The following PTPRD variants were observed in gnomAD, a reference collection of about 807,000 sequenced individuals.
The protein encoded by PTPRD is receptor-type tyrosine-protein phosphatase delta.
A neutral mutation model predicts 214.5 loss-of-function variants in PTPRD; 34 were observed. That is an observed-to-expected ratio of 0.16 (90% CI 0.12 to 0.21). The LOEUF is 0.21. Among genes scored for constraint, PTPRD ranks in the 10% least tolerant of loss-of-function variants. PTPRD has a pLI of 1.00. For synonymous variants in PTPRD, 1,128 were observed against 845.7 expected (o/e 1.33, Z -5.79); for missense variants, 2,545 against 2,398.7 (o/e 1.06, Z -1.27).
intron 44 of PTPRD, among the ~76,000 whole-genome samples, chr9:8,322,208 C>A (rs1483378850): frequency 6.6e-6 from 1 of 151,908 alleles, no homozygotes; most frequent in Admixed American, 6.6e-5. Flanking sequence ...GAAATTAGGC[C>A]AGTTAATAAC....
At chr9:8,982,734 A>G (rs2099319657) in intron 11 of PTPRD, among the ~76,000 whole-genome samples, 1 of 151,998 alleles carries the variant, frequency 6.6e-6, no homozygotes, top group South Asian at 2.1e-4. Flanking sequence ...TAGATTATCA[A>G]TTCATATTTA....
At chr9:9,536,286 A>G (rs1264399274) in intron 8 of PTPRD, among the ~76,000 whole-genome samples, 2 of 152,020 alleles carry the variant, frequency 1.3e-5, no homozygotes, top group Non-Finnish European at 2.9e-5. Context: ...GCTAAAGATT[A>G]GCACACAAAC....
intron 9 of PTPRD, among the ~76,000 whole-genome samples, chr9:9,187,092 T>G (rs149664785): frequency 6.6e-6 from 1 of 151,884 alleles, no homozygotes; most frequent in African/African-American, 2.4e-5. Context: ...ATTTTCACTC[T>G]AAATTAGAAA....
At chr9:9,813,007 A>C (rs975130481) in intron 5 of PTPRD, among the ~76,000 whole-genome samples, 10 of 152,124 alleles carry the variant, frequency 6.6e-5, no homozygotes, top group African/African-American at 2.4e-4. Flanking sequence ...AGAGGAGAAA[A>C]TAGGAAAATT....
chr9:9,568,660 AT>A (rs949969085), intron 8 of PTPRD, among the ~76,000 whole-genome samples: 74 of 151,964 alleles, frequency 4.9e-4, no homozygotes, highest in African/African-American at 1.8e-3. Context: ...ACGTTTACAC[AT>A]TTTTTTAAAC....
At chr9:9,762,483 C>A (rs1191819896) in intron 6 of PTPRD, among the ~76,000 whole-genome samples, 1 of 152,194 alleles carries the variant, frequency 6.6e-6, no homozygotes. Context: ...ATTCCTCTCT[C>A]TCCTCTGACA....
intron 7 of PTPRD, among the ~76,000 whole-genome samples, chr9:9,660,210 A>C (rs1171542476): frequency 6.6e-6 from 1 of 152,008 alleles, no homozygotes; most frequent in Non-Finnish European, 1.5e-5. Flanking sequence ...TGGGCATATA[A>C]GATTTTGGAT....
intron 9 of PTPRD, among the ~76,000 whole-genome samples, chr9:9,327,442 G>A (rs2040427007): frequency 6.6e-6 from 1 of 151,980 alleles, no homozygotes; most frequent in Admixed American, 6.6e-5. Context: ...TACGTTTGTG[G>A]CACAACCCAA....
In PTPRD at chr9:8,373,784, G is replaced by A. The variant is rs569270755; in HGVS notation, c.4661+2152C>T. 2.2e-4 allele frequency among the ~76,000 whole-genome samples: 34 copies of A among 151,242 alleles called. 4 individuals are homozygous for A. Among genetic ancestry groups the A allele is most frequent in the Admixed American group, 2.2e-3 (34 of 15,130 alleles). On this transcript the variant is annotated intron_variant, in intron 39 of 45. Transcript: ENST00000381196. Reference sequence around the variant, plus strand: ...CATACCTTGCTTATAATCTACAGAGGGTGAAATGCATTTTAAAAATTATGT... The same window carrying A: ...CATACCTTGCTTATAATCTACAGAGAGTGAAATGCATTTTAAAAATTATGT...
chr9:9,387,971 AC>A (rs953291150), intron 9 of PTPRD, among the ~76,000 whole-genome samples: 1 of 151,662 alleles, frequency 6.6e-6, no homozygotes, highest in Non-Finnish European at 1.5e-5. Context: ...GCTTAATTAG[AC>A]CCCCCTTCCT....
At chr9:8,394,962 T>G (rs1483068102) in intron 36 of PTPRD, among the ~76,000 whole-genome samples, 1 of 152,048 alleles carries the variant, frequency 6.6e-6, no homozygotes, top group Non-Finnish European at 1.5e-5. Flanking sequence ...TAAGAGGCAG[T>G]CTTGGAGGGA....
At position 9,567,194 on chromosome 9, in the gene PTPRD, C is replaced by T. The variant is rs140599871; in HGVS notation, c.-237+7538G>A. Among the ~76,000 whole-genome samples the T allele has an allele frequency of 2.0e-5, 3 of 151,784 alleles. No individual in the cohort carries two copies. In the Admixed American group the frequency reaches 2.0e-4, roughly 10 times the overall value. ...GAAGGAATAGCAGTACCTTTTCTGT[C>T]AGTCAAAGGTGTGTGAGTGGGTCTT... On this transcript the variant is annotated intron_variant, in intron 8 of 45. Transcript: ENST00000381196.
chr9:8,420,871 T>C (rs968707688), intron 35 of PTPRD, among the ~76,000 whole-genome samples: 3 of 151,384 alleles, frequency 2.0e-5, no homozygotes, highest in African/African-American at 7.3e-5. Flanking sequence ...AGTTCTGTGA[T>C]CAGTATTCCC....
intron 3 of PTPRD, among the ~76,000 whole-genome samples, chr9:10,234,277 T>C (rs1404891196): frequency 6.6e-6 from 1 of 151,628 alleles, no homozygotes; most frequent in African/African-American, 2.4e-5. Context: ...AAAATAACCA[T>C]CTTACAAAAT....
rs866271277 is a variant in PTPRD at position 10,077,958 on chromosome 9, C to T, written c.-544-44168G>A. 4.0e-4 allele frequency among the ~76,000 whole-genome samples: 60 copies of T among 151,812 alleles called. 1 individual carries two copies. The highest frequency in any genetic ancestry group is 2.1e-4 in the Non-Finnish European group (14 of 67,988). ...CTATACTCTAAGTAACTTGTGGACA[C>T]CACATTCATATTTGTATCTCCTCTA... On this transcript the variant is annotated intron_variant, in intron 3 of 45. Coordinates refer to ENST00000381196, the MANE Select transcript of PTPRD (RefSeq NM_002839.4).
At chr9:8,841,990 A>C (rs929218373) in intron 11 of PTPRD, among the ~76,000 whole-genome samples, 4 of 142,902 alleles carry the variant, frequency 2.8e-5, no homozygotes, top group African/African-American at 1.1e-4. Context: ...CAGCCTGGGC[A>C]ATAGAGCGAG....
chr9:9,118,469 C>T (rs1466412494), intron 10 of PTPRD, among the ~76,000 whole-genome samples: 3 of 152,172 alleles, frequency 2.0e-5, no homozygotes, highest in African/African-American at 7.2e-5. Context: ...TAGTCACACA[C>T]TGGCTTCCTA....
chr9:10,133,902 T>A (rs13297519), intron 3 of PTPRD, among the ~76,000 whole-genome samples: 5,920 of 152,268 alleles, frequency 0.039, 142 homozygotes, highest in East Asian at 0.065. Context: ...TTTAACTACT[T>A]TTTTCATATA....
chr9:9,677,907 C>T (rs1206119213), intron 7 of PTPRD, among the ~76,000 whole-genome samples: 1 of 152,062 alleles, frequency 6.6e-6, no homozygotes, highest in Non-Finnish European at 1.5e-5. Flanking sequence ...AAATCACAAG[C>T]GTTCTTACAC....
Sources: gnomAD v4.1 joint callset for allele counts (sites outside exome capture counted in the v4.1 genomes callset) on GRCh38, gnomAD v4.1.1 for gene constraint, MANE v1.5 for transcripts, NCBI Gene and HGNC (gene_info 2026-07-23, HGNC 2026-07-21) for gene names.